GLIS3: variants seen among roughly 807,000 people sequenced by gnomAD.
GLIS3 encodes the protein GLIS family zinc finger 3, also known as zinc finger protein GLIS3.
A neutral mutation model predicts 78.6 loss-of-function variants in GLIS3; 53 were observed. The ratio of observed to expected loss-of-function variants is 0.67; its 90% CI spans 0.54 to 0.85. The LOEUF (loss-of-function observed/expected upper bound fraction) is 0.85. Among genes scored for constraint, GLIS3 ranks in the 40% least tolerant of loss-of-function variants. GLIS3 has a pLI of 0.00. For missense variants in GLIS3, 1,703 were observed against 1,231.1 expected (o/e 1.38, Z -5.74); for synonymous variants, 684 against 509.9 (o/e 1.34, Z -4.60).
intron 4 of GLIS3, among the ~76,000 whole-genome samples, chr9:3,970,349 A>T (rs926222898): frequency 1.3e-5 from 2 of 152,236 alleles, no homozygotes; most frequent in African/African-American, 4.8e-5. Context: ...TTATGAGAAG[A>T]TGAATCGTGT....
chr9:4,210,329 T>A (rs1265316773), intron 2 of GLIS3, among the ~76,000 whole-genome samples: 1 of 152,228 alleles, frequency 6.6e-6, no homozygotes, highest in African/African-American at 2.4e-5. Flanking sequence ...TCATGCCTCT[T>A]GTTATCAGCG....
chr9:4,419,301 T>C, the GLIS3 span, among the ~76,000 whole-genome samples: 1 of 152,158 alleles, frequency 6.6e-6, no homozygotes, highest in African/African-American at 2.4e-5. Flanking sequence ...CTTGCATTGC[T>C]ACAAAGAAAT....
intron 4 of GLIS3, among the ~76,000 whole-genome samples, chr9:3,952,660 C>T (rs575746350): frequency 1.3e-5 from 2 of 152,258 alleles, no homozygotes; most frequent in East Asian, 1.9e-4. Context: ...ATGTCAAATT[C>T]TCAGTAACTG....
intron 6 of GLIS3, among the ~76,000 whole-genome samples, chr9:3,917,929 A>G (rs1446109650): frequency 1.3e-5 from 2 of 152,204 alleles, no homozygotes; most frequent in Non-Finnish European, 2.9e-5. Flanking sequence ...TATAACTGAA[A>G]AGAATGATTG....
the GLIS3 span, among the ~76,000 whole-genome samples, chr9:4,388,636 A>T: frequency 6.6e-6 from 1 of 152,178 alleles, no homozygotes; most frequent in African/African-American, 2.4e-5. Context: ...AGATGGCGCC[A>T]CTGCACTCCA....
At chr9:4,400,928 T>C in the GLIS3 span, among the ~76,000 whole-genome samples, 5 of 152,212 alleles carry the variant, frequency 3.3e-5, no homozygotes, top group Non-Finnish European at 7.4e-5. Context: ...CCAAGGAGTA[T>C]GCCGTAGGCC....
chr9:4,327,681 TC>T (rs1171409827), intron 2 of GLIS3, among the ~76,000 whole-genome samples: 3 of 152,152 alleles, frequency 2.0e-5, no homozygotes, highest in Non-Finnish European at 4.4e-5. Context: ...ATCACACAAC[TC>T]CAGGGGGCGC....
intron 4 of GLIS3, among the ~76,000 whole-genome samples, chr9:4,039,348 G>A (rs539464532): frequency 6.6e-6 from 1 of 152,138 alleles, no homozygotes; most frequent in Admixed American, 6.6e-5. Flanking sequence ...CCACTGAATA[G>A]CAAAATAGAG....
chr9:4,088,187 T>A (rs1324916419), intron 4 of GLIS3, among the ~76,000 whole-genome samples: 2 of 152,178 alleles, frequency 1.3e-5, no homozygotes, highest in Non-Finnish European at 2.9e-5. Flanking sequence ...AAAGAGAGAT[T>A]AGTATCATGT....
rs183707434 is a variant in GLIS3 at position 3,910,704 on chromosome 9, T to G, written c.1984-11869A>C. Among the ~76,000 whole-genome samples the G allele has an allele frequency of 2.0e-3, 311 of 152,340 alleles. 1 individual carries two copies. The highest frequency in any genetic ancestry group is 2.6e-3 in the Non-Finnish European group (177 of 68,028). On this transcript the variant is annotated intron_variant, in intron 6 of 10. Coordinates refer to ENST00000381971, the MANE Select transcript of GLIS3 (RefSeq NM_001042413.2). ...CTTGAGGCTTTTAGTTCAACTACCA[T>G]GTGATACTGGGCAAGTATATTCACT...
rs143585700 is a variant in GLIS3 at position 4,194,499 on chromosome 9, C to G, written c.389-68558G>C. Among the ~76,000 whole-genome samples the G allele has an allele frequency of 1.8e-4, 28 of 152,288 alleles. No individual in the cohort carries two copies. In the East Asian group the frequency reaches 2.3e-3, roughly 13 times the overall value. Reference sequence around the variant, plus strand: ...ATGGTAGATTCTCTCATCCAGATGCCTGGAAATCTGCCTATGTGAGAGGAT... The same window carrying G: ...ATGGTAGATTCTCTCATCCAGATGCGTGGAAATCTGCCTATGTGAGAGGAT... On this transcript the variant is annotated intron_variant, in intron 2 of 10. Transcript: ENST00000381971.
chr9:4,205,517 T>C (rs1046890769), intron 2 of GLIS3, among the ~76,000 whole-genome samples: 2 of 152,198 alleles, frequency 1.3e-5, no homozygotes, highest in African/African-American at 4.8e-5. Context: ...GAATGTGATG[T>C]CTGGAGCTGC....
the GLIS3 span, among the ~76,000 whole-genome samples, chr9:4,377,008 A>G: frequency 3.0e-5 from 4 of 135,556 alleles, no homozygotes; most frequent in African/African-American, 5.2e-5. Context: ...TACTAGCCCA[A>G]TAACTTGGCA....
intron 2 of GLIS3, among the ~76,000 whole-genome samples, chr9:4,211,476 C>G (rs545663834): frequency 4.6e-5 from 7 of 152,326 alleles, no homozygotes; most frequent in African/African-American, 1.4e-4. Context: ...CACTGTGTTA[C>G]TAATTGCCAG....
At chr9:4,437,640 T>A in the GLIS3 span, among the ~76,000 whole-genome samples, 1 of 152,138 alleles carries the variant, frequency 6.6e-6, no homozygotes, top group African/African-American at 2.4e-5. Context: ...GGTCTACTTA[T>A]ACGCAGATTT....
chr9:4,360,944 C>G, the GLIS3 span, among the ~76,000 whole-genome samples: 4 of 152,214 alleles, frequency 2.6e-5, no homozygotes, highest in Non-Finnish European at 5.9e-5. Context: ...CCACAATAGC[C>G]AGCCTCCAAA....
chr9:4,302,566 A>C (rs1325525057), upstream of GLIS3, among the ~76,000 whole-genome samples: 1 of 152,236 alleles, frequency 6.6e-6, no homozygotes, highest in Admixed American at 6.5e-5. Context: ...ATATTACCTC[A>C]TCTAATTCTC....
intron 8 of GLIS3, among the ~76,000 whole-genome samples, chr9:3,866,852 C>CCACA (rs750132023): frequency 1.1e-3 from 173 of 151,794 alleles, no homozygotes; most frequent in Non-Finnish European, 1.6e-3. Context: ...TAGAGCAGTG[C>CCACA]CATGTGTGAG....
At chr9:4,314,864 C>T (rs892433324) in intron 2 of GLIS3, among the ~76,000 whole-genome samples, 2 of 152,192 alleles carry the variant, frequency 1.3e-5, no homozygotes, top group Admixed American at 1.3e-4. Context: ...AGCTCAGGGC[C>T]GGGCACCCAG....
Sources: allele counts gnomAD v4.1 joint callset (sites outside exome capture counted in the v4.1 genomes callset), GRCh38; gene constraint gnomAD v4.1.1; transcripts MANE v1.5; gene names NCBI Gene and HGNC (gene_info 2026-07-23, HGNC 2026-07-21).